Variants in PHACTR2 observed in about 807,000 individuals in gnomAD.
The protein encoded by PHACTR2 is phosphatase and actin regulator 2, also known as chromosome 6 open reading frame 56.
A neutral mutation model predicts 76.0 loss-of-function variants in PHACTR2; 30 were observed. The observed-to-expected ratio is 0.39, with a 90% CI of 0.30 to 0.54. The LOEUF (loss-of-function observed/expected upper bound fraction) is 0.54. Ranked by LOEUF, PHACTR2 falls within the 20% of genes least tolerant of loss-of-function variation. The pLI, the probability that PHACTR2 is intolerant of heterozygous loss-of-function variation, is 0.61. For synonymous variants in PHACTR2, 292 were observed against 292.5 expected, an observed-to-expected ratio of 1.00 and a Z score of 0.02; for missense variants, 696 against 781.1, an observed-to-expected ratio of 0.89 and a Z score of 1.30.
chr6:143,595,555 T>A lies in PHACTR2; in HGVS notation c.217+58348T>A, dbSNP rs1288185812. Among the ~76,000 whole-genome samples, 1 of 152,248 alleles carries A rather than the reference T, an allele frequency of 6.6e-6. No individual in the cohort carries two copies. Among genetic ancestry groups the A allele is most frequent in the African/African-American group, 2.4e-5 (1 of 41,466 alleles). ...GACTTTCACAGAGCAAGCTATAAGG[T>A]GTGTCTTGAGAAACTGATGCTCACT... On this transcript the variant is annotated intron_variant, in intron 1 of 11. Transcript: ENST00000367584. The surrounding 1 kb of genome is among the most constrained non-coding windows in gnomAD (Gnocchi z 4.2).
At position 143,652,103 on chromosome 6, in the gene PHACTR2, C is replaced by G. The variant is rs1352829748; in HGVS notation, c.13+43781C>G. Among the ~76,000 whole-genome samples, 3 of 148,334 alleles carry G rather than the reference C, an allele frequency of 2.0e-5. No homozygotes were observed. Among genetic ancestry groups the G allele is most frequent in the African/African-American group, 7.4e-5 (3 of 40,614 alleles). ...AAAAGGCCGGTAAACACTGGTGATT[C>G]TGCTTTATACTAAAAATGATGGCGG... On this transcript the variant is annotated intron_variant, in intron 1 of 11. Coordinates refer to the PHACTR2 transcript ENST00000305766. The surrounding 1 kb of genome is among the most constrained non-coding windows in gnomAD (Gnocchi z 4.5).
chr6:143,632,945 C>T (rs1776390693), intron 1 of PHACTR2, among the ~76,000 whole-genome samples: 1 of 152,134 alleles, frequency 6.6e-6, no homozygotes, highest in African/African-American at 2.4e-5. Context: ...TAGCTCATTT[C>T]TTTTTAGCAC....
chr6:143,681,768 G>A (rs534787480), intron 1 of PHACTR2, among the ~76,000 whole-genome samples: 13 of 152,270 alleles, frequency 8.5e-5, no homozygotes, highest in East Asian at 1.9e-4. Context: ...TATGTATGGC[G>A]TCATGTAGGG....
intron 1 of PHACTR2, among the ~76,000 whole-genome samples, chr6:143,660,776 T>A (rs1382277988): frequency 1.3e-5 from 2 of 152,150 alleles, no homozygotes; most frequent in African/African-American, 2.4e-5. Context: ...GAGAACTTGA[T>A]ATCCAAGTGG....
intron 1 of PHACTR2, among the ~76,000 whole-genome samples, chr6:143,572,109 G>C (rs1177914715): frequency 6.6e-6 from 1 of 152,192 alleles, no homozygotes; most frequent in Non-Finnish European, 1.5e-5. Flanking sequence ...TTTCTTTTTA[G>C]TAGGTAACTA....
intron 4 of PHACTR2, among the ~76,000 whole-genome samples, chr6:143,759,757 C>G (rs934359784): frequency 1.3e-5 from 2 of 150,794 alleles, no homozygotes; most frequent in African/African-American, 4.9e-5. Flanking sequence ...TGCCAATGTA[C>G]TGGGAAAGCT....
Position 143,589,873 on chromosome 6 carries a change from G to C in PHACTR2, c.217+52666G>C, listed in dbSNP as rs1775671017. ...CACATCCCAGCTCATTCTAGAACCA[G>C]GCAAGGATAATAGGAGAAGGGAAAA... On this transcript the variant is annotated intron_variant, in intron 1 of 11. Coordinates refer to the PHACTR2 transcript ENST00000367584. The surrounding 1 kb of genome is among the most constrained non-coding windows in gnomAD (Gnocchi z 4.4). Among the ~76,000 whole-genome samples, 2 of 152,138 alleles carry C rather than the reference G, an allele frequency of 1.3e-5. No homozygotes were observed. The highest frequency in any genetic ancestry group is 4.1e-4 in the South Asian group (2 of 4,824).
rs1777163174 is a variant in PHACTR2 at position 143,672,118 on chromosome 6, C to T, written c.14-39898C>T. Among the ~76,000 whole-genome samples the T allele has an allele frequency of 1.3e-5, 2 of 152,094 alleles. No homozygotes were observed. The highest frequency in any genetic ancestry group is 6.5e-5 in the Admixed American group (1 of 15,274). On this transcript the variant is annotated intron_variant, in intron 1 of 11. Transcript: ENST00000305766. The surrounding 1 kb of genome is among the most constrained non-coding windows in gnomAD (Gnocchi z 5.8). ...AACTGCAAAAGGACATGATGGAATACCTTAGGGATCTCAAAGTTTTCTGAC... is the reference window on the plus strand; with the variant it reads ...AACTGCAAAAGGACATGATGGAATATCTTAGGGATCTCAAAGTTTTCTGAC...
At chr6:143,635,183 A>G (rs565060736) in intron 1 of PHACTR2, among the ~76,000 whole-genome samples, 1 of 152,308 alleles carries the variant, frequency 6.6e-6, no homozygotes, top group African/African-American at 2.4e-5. Context: ...TTGTTACATC[A>G]CAATAATTTT....
At chr6:143,669,555 C>G (rs1562264380) in intron 1 of PHACTR2, among the ~76,000 whole-genome samples, 1 of 152,086 alleles carries the variant, frequency 6.6e-6, no homozygotes, top group Non-Finnish European at 1.5e-5. Context: ...TCAGGGTGCT[C>G]CTATATTTTG....
At position 143,608,518 on chromosome 6, in the gene PHACTR2, A is replaced by G. The variant is rs1775922572; in HGVS notation, c.13+196A>G. On this transcript the variant is annotated intron_variant, in intron 1 of 11. Transcript: ENST00000305766. The surrounding 1 kb of genome is among the most constrained non-coding windows in gnomAD (Gnocchi z 4.6). ...TTACTTTGAAGTTTAGGAACTGGGAATGCAGATTGTATTCCAAATTCACCT... is the reference window on the plus strand; with the variant it reads ...TTACTTTGAAGTTTAGGAACTGGGAGTGCAGATTGTATTCCAAATTCACCT... Among the ~76,000 whole-genome samples the G allele has an allele frequency of 6.6e-6, 1 of 152,178 alleles. No individual in the cohort carries two copies. Among genetic ancestry groups the G allele is most frequent in the Non-Finnish European group, 1.5e-5 (1 of 68,050 alleles).
rs1415029475 is a variant in PHACTR2, at chr6:143,578,297, G to T, written c.217+41090G>T. On this transcript the variant is annotated intron_variant, in intron 1 of 11. Coordinates refer to the PHACTR2 transcript ENST00000367584. This position sits in a 1 kb window ranked among gnomAD's most constrained non-coding sequence, Gnocchi z 4.5. ...GTCAGTGCAATGCCTCATCCTCCAT[G>T]TTTCCCCTTCTAGGATGATCTAGTT... 1.3e-5 allele frequency among the ~76,000 whole-genome samples: 2 copies of T among 152,162 alleles called. No homozygotes were observed. Among genetic ancestry groups the T allele is most frequent in the South Asian group, 2.1e-4 (1 of 4,828 alleles).
intron 1 of PHACTR2, among the ~76,000 whole-genome samples, chr6:143,563,845 A>G (rs1775319583): frequency 7.1e-6 from 1 of 141,636 alleles, no homozygotes; most frequent in South Asian, 2.3e-4. Flanking sequence ...AAAAAAAAAA[A>G]TACAAAAAAT....
intron 1 of PHACTR2, among the ~76,000 whole-genome samples, chr6:143,703,279 A>T (rs1329832536): frequency 6.6e-6 from 1 of 151,820 alleles, no homozygotes; most frequent in East Asian, 1.9e-4. Flanking sequence ...CATAAGGAGG[A>T]TTTCTGGGGC....
At chr6:143,661,795 G>A (rs988081308) in intron 1 of PHACTR2, among the ~76,000 whole-genome samples, 4 of 151,956 alleles carry the variant, frequency 2.6e-5, no homozygotes, top group Admixed American at 2.6e-4. Flanking sequence ...GGCCTCATGT[G>A]ATTCGCTTGC....
chr6:143,754,828 A>G lies in PHACTR2; in HGVS notation c.454+916A>G, dbSNP rs1338337351. 6.6e-6 allele frequency among the ~76,000 whole-genome samples: 1 copy of G among 152,128 alleles called. No homozygotes were observed. Among genetic ancestry groups the G allele is most frequent in the Non-Finnish European group, 1.5e-5 (1 of 68,028 alleles). On this transcript the variant is annotated intron_variant, in intron 4 of 12. Transcript: ENST00000440869. The surrounding 1 kb of genome is among the most constrained non-coding windows in gnomAD (Gnocchi z 6.2). ...ATGTCTGTCTCTAAGTTGAATGGTA[A>G]AATTTTGTCAAACCTAGTGTGTGTT... is the stretch of plus-strand genomic sequence containing the variant.
In PHACTR2 at chr6:143,760,310, C is replaced by A; in HGVS notation, c.455-91C>A. 1.7e-6 allele frequency: 2 copies of A among 1,163,472 alleles called. No individual in the cohort carries two copies. Among genetic ancestry groups the A allele is most frequent in the Admixed American group, 2.3e-5 (1 of 44,194 alleles). 72.1% of individuals were successfully genotyped at this position (1,163,472 alleles called of 1,614,324 possible). ...CTGATTCTCAAGTACCAAGCAGACA[C>A]GCTTTGTGTCACTATCGTCATGTCT... On this transcript the variant is annotated intron_variant, in intron 4 of 12. Coordinates refer to ENST00000440869, the MANE Select transcript of PHACTR2 (RefSeq NM_001100164.2). This position sits in a 1 kb window ranked among gnomAD's most constrained non-coding sequence, Gnocchi z 6.4.
In PHACTR2 at chr6:143,589,108, G is replaced by A. The variant is rs1349463358; in HGVS notation, c.217+51901G>A. Among the ~76,000 whole-genome samples, 1 of 152,194 alleles carries A rather than the reference G, an allele frequency of 6.6e-6. No individual in the cohort carries two copies. The highest frequency in any genetic ancestry group is 2.4e-5 in the African/African-American group (1 of 41,442). ...TATTTTCTCACAGCTCTGGAGGCTG[G>A]AAGTCCAAGATCAAGGTGTTAGCAG... On this transcript the variant is annotated intron_variant, in intron 1 of 11. Coordinates refer to the PHACTR2 transcript ENST00000367584. This position sits in a 1 kb window ranked among gnomAD's most constrained non-coding sequence, Gnocchi z 4.4.
At chr6:143,713,809 T>C (rs1006374584) in intron 2 of PHACTR2, among the ~76,000 whole-genome samples, 1 of 152,196 alleles carries the variant, frequency 6.6e-6, no homozygotes, top group Non-Finnish European at 1.5e-5. Context: ...ACTGGCCTTC[T>C]TCAAGTGCCT....
Sources: allele counts gnomAD v4.1 joint callset (sites outside exome capture counted in the v4.1 genomes callset), GRCh38; gene constraint gnomAD v4.1.1; non-coding constraint Gnocchi (gnomAD v3.1); transcripts MANE v1.5; gene names NCBI Gene and HGNC (gene_info 2026-07-23, HGNC 2026-07-21).